The following VPS13B variants were observed in gnomAD, a reference collection of about 807,000 sequenced individuals.
VPS13B encodes intermembrane lipid transfer protein VPS13B.
VPS13B carries 285 observed loss-of-function variants against 426.4 expected under a neutral mutation model. That is an observed-to-expected ratio of 0.67 (90% CI 0.61 to 0.74). The LOEUF (loss-of-function observed/expected upper bound fraction) is 0.74, where lower values mean the gene tolerates loss of function less well. VPS13B is among the 30% of genes least tolerant of loss of function. VPS13B has a pLI of 0.00. For missense variants in VPS13B, 4,537 were observed against 4,782.6 expected, an observed-to-expected ratio of 0.95 and a Z score of 1.51; for synonymous variants, 1,676 against 1,676.4, an observed-to-expected ratio of 1.00 and a Z score of 0.01.
chr8:99,235,294 A>G (rs1030362273), intron 17 of VPS13B, among the ~76,000 whole-genome samples: 3 of 152,238 alleles, frequency 2.0e-5, no homozygotes, highest in Admixed American at 6.5e-5. Flanking sequence ...CGTATTAAAA[A>G]TCAACTCTTA....
chr8:99,385,642 G>C (rs1814076283), intron 20 of VPS13B, among the ~76,000 whole-genome samples: 1 of 152,120 alleles, frequency 6.6e-6, no homozygotes, highest in Non-Finnish European at 1.5e-5. Context: ...TAGTGTATTT[G>C]AGAATCTTAA....
intron 58 of VPS13B, among the ~76,000 whole-genome samples, chr8:99,864,891 G>A (rs1817014500): frequency 6.6e-6 from 1 of 152,170 alleles, no homozygotes; most frequent in Non-Finnish European, 1.5e-5. Context: ...TCAGGATGTG[G>A]GGAGACTGAA....
chr8:99,298,095 CA>C (rs1820141511), intron 19 of VPS13B, among the ~76,000 whole-genome samples: 1 of 152,182 alleles, frequency 6.6e-6, no homozygotes, highest in South Asian at 2.1e-4. Context: ...GTTTATTCTT[CA>C]AATATTAGTG....
At chr8:99,111,385 T>C (rs945669498) in intron 6 of VPS13B, 106 bp downstream of exon 6, 1 of 869,362 alleles carries the variant, frequency 1.2e-6, no homozygotes, top group Non-Finnish European at 1.7e-6. Flanking sequence ...ACCTTGTAAA[T>C]ATGTATGCCA....
At chr8:99,659,339 CTT>C (rs1371340640) in intron 34 of VPS13B, among the ~76,000 whole-genome samples, 1 of 152,018 alleles carries the variant, frequency 6.6e-6, no homozygotes, top group East Asian at 1.9e-4. Flanking sequence ...TATGTGAACT[CTT>C]TATATATTAA....
chr8:99,127,174 G>T (rs1360213261), intron 8 of VPS13B, among the ~76,000 whole-genome samples: 2 of 151,694 alleles, frequency 1.3e-5, no homozygotes, highest in Admixed American at 1.3e-4. Flanking sequence ...CGTTTTTGGT[G>T]CTTCTCCTCT....
rs1814119989 is a variant in VPS13B, at chr8:99,817,606, C to G, written c.8164C>G (p.Gln2722Glu). Reference sequence around the variant, plus strand: ...TCAAAGCATAGAACTAAAAGTCGTTCAGCATTACATTGGTCAAGATGGACA... The same window carrying G: ...TCAAAGCATAGAACTAAAAGTCGTTGAGCATTACATTGGTCAAGATGGACA... ...LSQSIELKVV[Q>E]HYIGQDGQAV... is the part of the protein sequence containing the mutation. The change falls in exon 45 of 62, where the codon CAG (glutamine) becomes GAG (glutamate). Residue 2722 changes from glutamine (Q) to glutamate (E), a missense_variant. Coordinates refer to ENST00000357162, the MANE Select transcript of VPS13B (RefSeq NM_152564.5). 1.9e-6 allele frequency: 3 copies of G among 1,614,036 alleles called. No individual in the cohort carries two copies. Among genetic ancestry groups the G allele is most frequent in the Non-Finnish European group, 2.5e-6 (3 of 1,179,980 alleles).
intron 3 of VPS13B, among the ~76,000 whole-genome samples, chr8:99,080,435 A>G (rs528538715): frequency 6.6e-6 from 1 of 152,180 alleles, no homozygotes; most frequent in Non-Finnish European, 1.5e-5. Flanking sequence ...TGTATAGTGT[A>G]AGGTATGGCA....
chr8:99,509,506 T>A (rs1022587318), intron 28 of VPS13B, among the ~76,000 whole-genome samples: 9 of 152,136 alleles, frequency 5.9e-5, no homozygotes, highest in Non-Finnish European at 1.3e-4. Context: ...CAGTGATAAC[T>A]GAATTGCATA....
At chr8:99,801,414 A>G (rs895864650) in intron 43 of VPS13B, among the ~76,000 whole-genome samples, 6 of 152,154 alleles carry the variant, frequency 3.9e-5, no homozygotes, top group Non-Finnish European at 4.4e-5. Context: ...TTGAAGCCAT[A>G]GCTTGCTGCA....
At chr8:99,592,445 T>C (rs1826738863) in intron 33 of VPS13B, among the ~76,000 whole-genome samples, 1 of 152,096 alleles carries the variant, frequency 6.6e-6, no homozygotes, top group Non-Finnish European at 1.5e-5. Context: ...TCTCCCCATC[T>C]TTGTGGTTTT....
Position 99,209,154 on chromosome 8 carries a change from C to T in VPS13B, c.2515+16097C>T, listed in dbSNP as rs925989834. Reference sequence around the variant, plus strand: ...ATTAGCTGAGTGTGGTGACATGTGCCTGTAGTCCCAGCTACTTGGGAGGCT... The same window carrying T: ...ATTAGCTGAGTGTGGTGACATGTGCTTGTAGTCCCAGCTACTTGGGAGGCT... On this transcript the variant is annotated intron_variant, in intron 17 of 61. Coordinates refer to ENST00000357162, the MANE Select transcript of VPS13B (RefSeq NM_152564.5). Among the ~76,000 whole-genome samples, 8 of 152,052 alleles carry T rather than the reference C, an allele frequency of 5.3e-5. No homozygotes were observed. The South Asian group carries it at 8.3e-4, about 16-fold the overall frequency.
In VPS13B at chr8:99,498,731, CTG is replaced by C. The variant is rs1377629555; in HGVS notation, c.3871-2952_3871-2951del. ...TTTGTGCACATATAGCTGCAGCTTC[CTG>C]TGTTTCAGTCTGAGTCATGGTAAAG... is the stretch of plus-strand genomic sequence containing the variant. On this transcript the variant is annotated intron_variant, in intron 25 of 61. Coordinates refer to ENST00000357162, the MANE Select transcript of VPS13B (RefSeq NM_152564.5). Among the ~76,000 whole-genome samples the C allele has an allele frequency of 2.7e-4, 41 of 152,148 alleles. 1 individual carries two copies. The highest frequency in any genetic ancestry group is 2.6e-3 in the Admixed American group (40 of 15,284).
At chr8:99,861,053 C>G (rs1816806988) in intron 57 of VPS13B, among the ~76,000 whole-genome samples, 1 of 152,186 alleles carries the variant, frequency 6.6e-6, no homozygotes, top group African/African-American at 2.4e-5. Context: ...TCTTTATAAT[C>G]TTTCTAAAAC....
chr8:99,025,565 T>C (rs1842092076), intron 2 of VPS13B, among the ~76,000 whole-genome samples: 1 of 152,232 alleles, frequency 6.6e-6, no homozygotes, highest in African/African-American at 2.4e-5. Flanking sequence ...ATTAGGGTAA[T>C]ACTGGCCTTG....
intron 43 of VPS13B, among the ~76,000 whole-genome samples, chr8:99,795,118 C>A (rs1157049919): frequency 1.3e-5 from 2 of 152,140 alleles, no homozygotes; most frequent in Non-Finnish European, 2.9e-5. Flanking sequence ...CTTCCTTAAG[C>A]TTGTATCTCC....
intron 17 of VPS13B, among the ~76,000 whole-genome samples, chr8:99,255,247 T>C (rs1280814185): frequency 3.3e-5 from 5 of 152,182 alleles, no homozygotes; most frequent in Non-Finnish European, 5.9e-5. Context: ...CTCTTTTTTT[T>C]CCCTACAAAT....
intron 17 of VPS13B, among the ~76,000 whole-genome samples, chr8:99,263,936 C>G (rs755902790): frequency 1.3e-4 from 20 of 152,048 alleles, no homozygotes; most frequent in Non-Finnish European, 2.5e-4. Context: ...ATAATTATGT[C>G]ACAGTTTTTG....
chr8:99,233,873 A>G, intron 17 of VPS13B: 1 of 780,016 alleles, frequency 1.3e-6, no homozygotes, highest in Non-Finnish European at 2.4e-6. Context: ...GCTTTCAAGA[A>G]TCGTGTGGCA....
Sources: gnomAD v4.1 joint callset for allele counts (sites outside exome capture counted in the v4.1 genomes callset) on GRCh38, gnomAD v4.1.1 for gene constraint, MANE v1.5 for transcripts, NCBI Gene and HGNC (gene_info 2026-07-23, HGNC 2026-07-21) for gene names.